Variants in ARID1B observed in about 807,000 individuals in gnomAD.
ARID1B encodes the protein AT-rich interactive domain-containing protein 1B.
In ARID1B, 30 loss-of-function variants were observed where a neutral mutation model predicts 212.3. That is an observed-to-expected ratio of 0.14 (90% CI 0.11 to 0.19). The LOEUF (loss-of-function observed/expected upper bound fraction) is 0.19, where lower values mean the gene tolerates loss of function less well. Among genes scored for constraint, ARID1B ranks in the 10% least tolerant of loss-of-function variants. The pLI is 1.00. For synonymous variants in ARID1B, 1,402 were observed against 1,301.7 expected (o/e 1.08, Z -1.66); for missense variants, 2,891 against 3,204.0 (o/e 0.90, Z 2.36).
At chr6:157,013,655 G>A (rs1314538890) in intron 4 of ARID1B, among the ~76,000 whole-genome samples, 1 of 152,220 alleles carries the variant, frequency 6.6e-6, no homozygotes, top group African/African-American at 2.4e-5. Flanking sequence ...ACCACAGGAA[G>A]ATTTTGGTTG....
rs1189370463 is a variant in ARID1B at position 156,778,486 on chromosome 6, A to T, written c.806A>T (p.Asp269Val). The change falls in exon 1 of 20, where the codon GAC becomes GTC. Residue 269 changes from aspartate (D) to valine (V), a missense_variant. This residue lies in a region of ARID1B where 1,643 missense variants were observed against 1,544.0 expected (regional missense o/e 1.06). Transcript: ENST00000636930. ...CTGCTGAGCAAGCCGGGCGACGAGG[A>T]CGACGCGCCGCCCAAGATGGGGGAG... ...PPLLSKPGDE[D>V]DAPPKMGEPA... 2 of 1,283,534 alleles carry T rather than the reference A, an allele frequency of 1.6e-6. No individual in the cohort carries two copies. Among genetic ancestry groups the T allele is most frequent in the Non-Finnish European group, 2.0e-6 (2 of 1,021,982 alleles). The allele number at this position is 1,283,534 out of a possible 1,614,324, so 79.5% of individuals were successfully genotyped here. A position where few individuals can be genotyped will look rare whatever the true frequency, so the allele number is the denominator to read the frequency against.
At chr6:157,181,245 T>C (rs1341197515) in intron 12 of ARID1B, 67 bp downstream of exon 12, 2 of 1,558,750 alleles carry the variant, frequency 1.3e-6, no homozygotes, top group African/African-American at 2.7e-5. Context: ...GTGGCTTTCT[T>C]TGAATGTGTG....
intron 2 of ARID1B, among the ~76,000 whole-genome samples, chr6:156,847,634 A>T (rs1784317853): frequency 6.6e-6 from 1 of 152,136 alleles, no homozygotes; most frequent in South Asian, 2.1e-4. Flanking sequence ...GAGGATGAAG[A>T]TGATCCTAGT....
chr6:157,159,483 G>T (rs1282145959), intron 8 of ARID1B, among the ~76,000 whole-genome samples: 2 of 152,192 alleles, frequency 1.3e-5, no homozygotes, highest in African/African-American at 4.8e-5. Context: ...GAAGCAAAAA[G>T]GAAGAGCTGA....
chr6:156,953,956 AC>A, intron 4 of ARID1B, among the ~76,000 whole-genome samples: 1 of 152,312 alleles, frequency 6.6e-6, no homozygotes, highest in East Asian at 1.9e-4. Context: ...TTTCATTTTA[AC>A]TGCAAGGATA....
chr6:157,157,123 C>CGGGTCTG (rs1210730264), intron 8 of ARID1B, among the ~76,000 whole-genome samples: 1 of 152,120 alleles, frequency 6.6e-6, no homozygotes, highest in Non-Finnish European at 1.5e-5. Context: ...TTCCCCTCTC[C>CGGGTCTG]GGGTCTGGGT....
Position 156,915,896 on chromosome 6 carries a change from C to CAAA in ARID1B, c.2136+14381_2136+14383dup, listed in dbSNP as rs201509884. ...GGGTGGACACAGCAAGACTCCGTCT[C>CAAA]AAAAAAAAAAAAGCCCCACCTCTTT... On this transcript the variant is annotated intron_variant, in intron 3 of 19. Coordinates refer to ENST00000636930, the MANE Select transcript of ARID1B (RefSeq NM_001374828.1). Among the ~76,000 whole-genome samples the CAAA allele has an allele frequency of 2.5e-3, 335 of 132,524 alleles. 2 individuals are homozygous for CAAA. Among genetic ancestry groups the CAAA allele is most frequent in the African/African-American group, 8.7e-3 (313 of 35,862 alleles). The allele number at this position is 132,524 out of a possible 152,430, so 86.9% of individuals were successfully genotyped here. A position where few individuals can be genotyped will look rare whatever the true frequency, so the allele number is the denominator to read the frequency against.
intron 4 of ARID1B, chr6:156,941,488 A>G (rs1283305378): frequency 6.6e-6 from 1 of 152,176 alleles, no homozygotes; most frequent in African/African-American, 2.4e-5. Context: ...TTATTTTTGG[A>G]TTAAGATTAA....
chr6:156,784,305 G>A (rs1474738269), intron 1 of ARID1B, among the ~76,000 whole-genome samples: 1 of 152,194 alleles, frequency 6.6e-6, no homozygotes, highest in Non-Finnish European at 1.5e-5. Flanking sequence ...GTGTCCGGGA[G>A]AGGCACCAGG....
chr6:157,105,735 G>A (rs576298185), intron 5 of ARID1B, among the ~76,000 whole-genome samples: 4 of 152,214 alleles, frequency 2.6e-5, no homozygotes, highest in African/African-American at 9.6e-5. Flanking sequence ...CCCAGTAGCT[G>A]TGGTTACAGG....
intron 5 of ARID1B, among the ~76,000 whole-genome samples, chr6:157,100,248 C>G (rs1335063869): frequency 6.6e-6 from 1 of 152,186 alleles, no homozygotes; most frequent in Non-Finnish European, 1.5e-5. Context: ...CTTCCCCACC[C>G]CTCTGCCCTG....
chr6:157,114,232 G>A (rs972373977), intron 6 of ARID1B, among the ~76,000 whole-genome samples: 3 of 151,980 alleles, frequency 2.0e-5, no homozygotes, highest in East Asian at 1.9e-4. Flanking sequence ...TTTTTAAAAC[G>A]AGTATATCAG....
At position 156,832,611 on chromosome 6, in the gene ARID1B, A is replaced by G. The variant is rs186369155; in HGVS notation, c.1986+3190A>G. 3.1e-3 allele frequency among the ~76,000 whole-genome samples: 478 copies of G among 152,282 alleles called. 4 individuals are homozygous for G. Among genetic ancestry groups the G allele is most frequent in the Admixed American group, 7.3e-3 (111 of 15,284 alleles). ...GTTGCCCACTTACCAGCTGAGTGGT[A>G]AGTTGTCTTTGGCTCAGGGGTCACA... is the stretch of plus-strand genomic sequence containing the variant. On this transcript the variant is annotated intron_variant, in intron 2 of 19. Transcript: ENST00000636930.
chr6:157,015,101 G>A (rs6928411), intron 4 of ARID1B, among the ~76,000 whole-genome samples: 68,278 of 152,028 alleles, frequency 0.45, 16,113 homozygotes, highest in East Asian at 0.66. Context: ...CCTGCACGTC[G>A]TAGCTACTGA....
chr6:156,947,323 A>C (rs1490686698), intron 4 of ARID1B, among the ~76,000 whole-genome samples: 1 of 152,184 alleles, frequency 6.6e-6, no homozygotes, highest in Non-Finnish European at 1.5e-5. Context: ...TTTTGGAGGA[A>C]TATTTCTTAG....
intron 6 of ARID1B, among the ~76,000 whole-genome samples, chr6:157,124,806 G>A (rs1400802786): frequency 6.6e-6 from 1 of 152,058 alleles, no homozygotes; most frequent in African/African-American, 2.4e-5. Context: ...TTTGAAAGTG[G>A]CCTCACAAAT....
At chr6:156,928,910 A>G (rs1210171126) in intron 3 of ARID1B, among the ~76,000 whole-genome samples, 1 of 152,208 alleles carries the variant, frequency 6.6e-6, no homozygotes, top group South Asian at 2.1e-4. Context: ...ATTTAGGGGA[A>G]TATATGAAGC....
chr6:157,206,922 C>G lies in ARID1B; in HGVS notation c.6150C>G (p.Asp2050Glu), dbSNP rs779936373. The change falls in exon 20 of 20, where the codon GAC becomes GAG. Residue 2050 changes from aspartate to glutamate, a missense_variant. This residue lies in a region of ARID1B where 332 missense variants were observed against 369.2 expected (regional missense o/e 0.90). Coordinates refer to ENST00000636930, the MANE Select transcript of ARID1B (RefSeq NM_001374828.1). The surrounding 1 kb of genome is among the most constrained non-coding windows in gnomAD (Gnocchi z 6.8). ...TGGAGGACGAGCCCAGGAGCCGAGA[C>G]GAGACTCCTCTGTGTACCATCGCGC... ...KLLEDEPRSR[D>E]ETPLCTIAHW... The G allele has an allele frequency of 1.4e-5, 23 of 1,614,052 alleles. No homozygotes were observed. The highest frequency in any genetic ancestry group is 1.9e-5 in the Non-Finnish European group (23 of 1,180,046).
At chr6:156,880,607 C>T (rs985007177) in intron 2 of ARID1B, among the ~76,000 whole-genome samples, 3 of 151,830 alleles carry the variant, frequency 2.0e-5, no homozygotes, top group Non-Finnish European at 2.9e-5. Context: ...GGCGTGGTGG[C>T]GCATGCCTGT....
Sources: allele counts gnomAD v4.1 joint callset (sites outside exome capture counted in the v4.1 genomes callset), GRCh38; gene constraint gnomAD v4.1.1; regional missense constraint gnomAD v4.1.1; non-coding constraint Gnocchi (gnomAD v3.1); transcripts MANE v1.5; gene names NCBI Gene and HGNC (gene_info 2026-07-23, HGNC 2026-07-21).